SMYD3: variants seen among roughly 807,000 people sequenced by gnomAD.
SMYD3 encodes histone-lysine N-methyltransferase SMYD3.
A neutral mutation model predicts 57.7 loss-of-function variants in SMYD3; 36 were observed. The ratio of observed to expected loss-of-function variants is 0.62; its 90% confidence interval spans 0.48 to 0.82. SMYD3 has a LOEUF of 0.82. Among genes scored for constraint, SMYD3 ranks in the 40% least tolerant of loss-of-function variants. SMYD3 has a pLI of 0.00. For missense variants in SMYD3, 515 were observed against 538.8 expected (o/e 0.96, Z 0.44); for synonymous variants, 211 against 195.0 (o/e 1.08, Z -0.68).
intron 10 of SMYD3, among the ~76,000 whole-genome samples, chr1:245,766,573 A>T (rs561396526): frequency 6.6e-6 from 1 of 152,258 alleles, no homozygotes; most frequent in Admixed American, 6.5e-5. Flanking sequence ...AAATGACTTT[A>T]AGATCCCCAG....
chr1:246,168,635 G>A (rs1344611080), intron 5 of SMYD3, among the ~76,000 whole-genome samples: 1 of 152,060 alleles, frequency 6.6e-6, no homozygotes, highest in South Asian at 2.1e-4. Context: ...TCTTTGAAAT[G>A]ATTCTTTTTC....
chr1:245,805,110 T>C (rs1330286611), intron 10 of SMYD3, among the ~76,000 whole-genome samples: 1 of 149,354 alleles, frequency 6.7e-6, no homozygotes, highest in Non-Finnish European at 1.5e-5. Flanking sequence ...AGATAAATTG[T>C]AAGAGCCTGG....
intron 5 of SMYD3, among the ~76,000 whole-genome samples, chr1:246,297,258 A>T (rs2064813032): frequency 6.6e-6 from 1 of 152,222 alleles, no homozygotes; most frequent in Non-Finnish European, 1.5e-5. Context: ...AAGGTGACAG[A>T]GGTATCTTCA....
chr1:246,120,217 A>G (rs1384987529), intron 5 of SMYD3, among the ~76,000 whole-genome samples: 2 of 152,176 alleles, frequency 1.3e-5, no homozygotes, highest in African/African-American at 4.8e-5. Flanking sequence ...AGGATTTATA[A>G]CTTGCTTCAG....
At chr1:246,239,928 G>A (rs2063578809) in intron 5 of SMYD3, among the ~76,000 whole-genome samples, 2 of 152,126 alleles carry the variant, frequency 1.3e-5, no homozygotes, top group Admixed American at 6.5e-5. Flanking sequence ...CCAACTTTTT[G>A]ATGAGGTTGT....
intron 1 of SMYD3, among the ~76,000 whole-genome samples, chr1:246,427,710 A>T (rs1429392801): frequency 6.6e-6 from 1 of 151,844 alleles, no homozygotes; most frequent in Non-Finnish European, 1.5e-5. Flanking sequence ...CAAAAATTTT[A>T]AAAATCAGCC....
At chr1:246,480,623 C>T (rs1389324189) in intron 1 of SMYD3, among the ~76,000 whole-genome samples, 1 of 152,080 alleles carries the variant, frequency 6.6e-6, no homozygotes, top group Non-Finnish European at 1.5e-5. Flanking sequence ...CTTACGTCTG[C>T]TCCCTTACAA....
chr1:245,852,737 A>G (rs1329094510), intron 10 of SMYD3, among the ~76,000 whole-genome samples: 1 of 152,152 alleles, frequency 6.6e-6, no homozygotes, highest in Non-Finnish European at 1.5e-5. Flanking sequence ...CTGCATTAAG[A>G]AAGTCTTTCA....
At chr1:246,422,195 A>G (rs1208863228) in intron 1 of SMYD3, among the ~76,000 whole-genome samples, 1 of 152,166 alleles carries the variant, frequency 6.6e-6, no homozygotes, top group Non-Finnish European at 1.5e-5. Context: ...AAAATGACAT[A>G]ATCTCTCTAC....
At chr1:246,120,302 G>C (rs1272883782) in intron 5 of SMYD3, among the ~76,000 whole-genome samples, 1 of 152,124 alleles carries the variant, frequency 6.6e-6, no homozygotes, top group Admixed American at 6.5e-5. Context: ...TTTTGGGGTA[G>C]CATGTCCGGA....
At chr1:246,498,991 C>T (rs910598914) in intron 1 of SMYD3, among the ~76,000 whole-genome samples, 4 of 151,422 alleles carry the variant, frequency 2.6e-5, no homozygotes, top group African/African-American at 9.7e-5. Context: ...GATGAAGTTT[C>T]CCTATGTTGC....
intron 5 of SMYD3, among the ~76,000 whole-genome samples, chr1:246,272,647 G>A (rs2064244572): frequency 6.6e-6 from 1 of 152,108 alleles, no homozygotes; most frequent in Non-Finnish European, 1.5e-5. Context: ...TTTGGTCATG[G>A]TGTATAATCC....
At chr1:246,284,130 G>A (rs2148578802) in intron 5 of SMYD3, among the ~76,000 whole-genome samples, 1 of 152,276 alleles carries the variant, frequency 6.6e-6, no homozygotes, top group East Asian at 1.9e-4. Context: ...CGGTGAGTAT[G>A]CTGCAAAACG....
chr1:245,813,863 T>G (rs865921569), intron 10 of SMYD3, among the ~76,000 whole-genome samples: 27 of 328 alleles, frequency 0.082, no homozygotes, highest in South Asian at 0.25. Flanking sequence ...TGGAGCCCTA[T>G]ATATATATAT....
At chr1:246,256,271 G>A (rs1322114026) in intron 5 of SMYD3, among the ~76,000 whole-genome samples, 1 of 151,104 alleles carries the variant, frequency 6.6e-6, no homozygotes, top group East Asian at 2.0e-4. Flanking sequence ...ATTAGATGGT[G>A]CCCACCAGAT....
chr1:245,998,390 C>A (rs2058972769), intron 5 of SMYD3, among the ~76,000 whole-genome samples: 1 of 152,246 alleles, frequency 6.6e-6, no homozygotes. Flanking sequence ...ACTAGGGACT[C>A]ATGTCTGAAG....
chr1:246,082,239 C>T (rs766892629), intron 5 of SMYD3, among the ~76,000 whole-genome samples: 1 of 152,120 alleles, frequency 6.6e-6, no homozygotes, highest in Non-Finnish European at 1.5e-5. Flanking sequence ...AAAATGTAGG[C>T]GTAGTTTCTA....
rs540443819 is a variant in SMYD3, at chr1:246,455,458, T to C, written c.164+51596A>G. On this transcript the variant is annotated intron_variant, in intron 1 of 11. Coordinates refer to ENST00000490107, the MANE Select transcript of SMYD3 (RefSeq NM_001167740.2). ...AAAATCTATTACACAAAGCAAGATA[T>C]AACCAGCTAATATTTCATTGAGCTA... 2.6e-5 allele frequency among the ~76,000 whole-genome samples: 4 copies of C among 152,316 alleles called. No individual in the cohort carries two copies. In the East Asian group the frequency reaches 7.7e-4, roughly 29 times the overall value.
intron 10 of SMYD3, among the ~76,000 whole-genome samples, chr1:245,809,574 TGA>T (rs2048351794): frequency 1.3e-5 from 2 of 152,100 alleles, no homozygotes; most frequent in Non-Finnish European, 2.9e-5. Context: ...AACACTCAGG[TGA>T]GAGAGAACAA....
Sources: allele counts gnomAD v4.1 joint callset (sites outside exome capture counted in the v4.1 genomes callset), GRCh38; gene constraint gnomAD v4.1.1; transcripts MANE v1.5; gene names NCBI Gene and HGNC (gene_info 2026-07-23, HGNC 2026-07-21).